Variants in SH2D7 observed in about 807,000 individuals in gnomAD.
The protein encoded by SH2D7 is SH2 domain containing 7, also known as SH2 domain-containing protein 7.
SH2D7 carries 32 observed loss-of-function variants against 40.8 expected under a neutral mutation model. That is an observed-to-expected ratio of 0.78 (90% CI 0.59 to 1.05). SH2D7 has a LOEUF of 1.05. SH2D7 is among the 50% of genes least tolerant of loss of function. The probability of loss-of-function intolerance (pLI) is 0.00; values close to 1 mark genes in which losing one functional copy is unlikely to be tolerated. For synonymous variants in SH2D7, 195 were observed against 221.5 expected (o/e 0.88, Z 1.06); for missense variants, 559 against 566.6 (o/e 0.99, Z 0.14).
chr15:78,093,107 A>G (rs2073949795), intron 1 of SH2D7, among the ~76,000 whole-genome samples: 1 of 152,226 alleles, frequency 6.6e-6, no homozygotes, highest in Non-Finnish European at 1.5e-5. Flanking sequence ...TAACTAAGCT[A>G]GGAGAACCGT....
chr15:78,094,199 C>T lies in SH2D7; in HGVS notation c.264C>T (p.Tyr88=), dbSNP rs781560546. The change falls in exon 2 of 6, where the codon TAC becomes TAT. Residue 88 remains tyrosine, a splice_region_variant and synonymous_variant. Coordinates refer to ENST00000328828, the MANE Select transcript of SH2D7 (RefSeq NM_001101404.2). ...GAGCCACTGGCTACATCTTGTCCTACAGGTAAGAGGGGAAGCCCTCTGGGC... is the reference window on the plus strand; with the variant it reads ...GAGCCACTGGCTACATCTTGTCCTATAGGTAAGAGGGGAAGCCCTCTGGGC... ...SDRATGYILS[Y]RGSDRCRHFV... 8 of 1,607,246 alleles carry T rather than the reference C, an allele frequency of 5.0e-6. No homozygotes were observed. The highest frequency in any genetic ancestry group is 2.2e-5 in the East Asian group (1 of 44,714).
chr15:78,098,902 A>G (rs1021116939), intron 4 of SH2D7, among the ~76,000 whole-genome samples: 2 of 152,352 alleles, frequency 1.3e-5, no homozygotes, highest in African/African-American at 4.8e-5. Context: ...AGCTTGAATG[A>G]GAAAATGGAT....
chr15:78,093,727 G>A (rs2073953003), intron 1 of SH2D7, among the ~76,000 whole-genome samples: 1 of 152,222 alleles, frequency 6.6e-6, no homozygotes, highest in Non-Finnish European at 1.5e-5. Context: ...CTGAGGGAGG[G>A]ACTCCCCACT....
At chr15:78,100,346 G>A (rs997101253) in intron 4 of SH2D7, among the ~76,000 whole-genome samples, 10 of 152,170 alleles carry the variant, frequency 6.6e-5, no homozygotes, top group African/African-American at 1.2e-4. Context: ...GGAGGAGCAC[G>A]GGAAGGGAAA....
rs2074033649 is a variant in SH2D7 at position 78,104,027 on chromosome 15, C to T, written c.*512C>T. ...GGGCCAGAAGCCACATCCTCTGCTT[C>T]AGGCCTCTTCGCTCCAGCTGTACCC... On this transcript the variant is annotated 3_prime_UTR_variant, in exon 6 of 6. Transcript: ENST00000328828. This position sits in a 1 kb window ranked among gnomAD's most constrained non-coding sequence, Gnocchi z 4.4. 2 of 153,150 alleles carry T rather than the reference C, an allele frequency of 1.3e-5. No homozygotes were observed. Among genetic ancestry groups the T allele is most frequent in the South Asian group, 2.0e-4 (1 of 4,948 alleles). 9.5% of individuals were successfully genotyped at this position (153,150 alleles called of 1,614,324 possible).
chr15:78,101,330 C>T lies in SH2D7; in HGVS notation c.1077C>T (p.Leu359=), dbSNP rs376306879. 15 of 1,613,114 alleles carry T rather than the reference C, an allele frequency of 9.3e-6. No individual in the cohort carries two copies. Among genetic ancestry groups the T allele is most frequent in the Non-Finnish European group, 1.3e-5 (15 of 1,179,658 alleles). The part of the protein sequence containing the change: ...DIYEFIGTEG[L]LQEARDTPDQ... ...ATGAGTTCATCGGGACAGAAGGCCT[C>T]CTGCAAGAGGCCAGGGACACACCAG... The change falls in exon 5 of 6, where the codon CTC becomes CTT. Residue 359 remains leucine, a synonymous_variant. Transcript: ENST00000328828.
rs776790545 is a variant in SH2D7, at chr15:78,094,134, G to C, written c.199G>C (p.Asp67His). The C allele has an allele frequency of 6.2e-7, 1 of 1,609,136 alleles. No individual in the cohort carries two copies. Among genetic ancestry groups the C allele is most frequent in the African/African-American group, 1.3e-5 (1 of 74,880 alleles). ...CAGGCAGACGGAGCAGCTACTCAGG[G>C]ACAAAGCTCTTGGTTCCTTCCTTAT... ...TRKQTEQLLRDKALGSFLIRL... is the reference protein window; with the variant it reads ...TRKQTEQLLRHKALGSFLIRL... The change falls in exon 2 of 6, where the codon GAC becomes CAC. Residue 67 changes from aspartate (D) to histidine (H), a missense_variant. Transcript: ENST00000328828.
chr15:78,090,225 G>C (rs868309854), upstream of SH2D7, among the ~76,000 whole-genome samples: 1 of 152,074 alleles, frequency 6.6e-6, no homozygotes, highest in Non-Finnish European at 1.5e-5. Flanking sequence ...TGGCTAACAC[G>C]GTAAAACCCC....
chr15:78,098,194 T>C (rs2141872245), intron 3 of SH2D7, 100 bp downstream of exon 3: 1 of 1,453,730 alleles, frequency 6.9e-7, no homozygotes, highest in Non-Finnish European at 9.2e-7. Context: ...CCTCCCTATT[T>C]ACTATCACCC....
chr15:78,103,464 G>C lies in SH2D7; in HGVS notation c.1306-1G>C, dbSNP rs375968113. 14 of 1,558,686 alleles carry C rather than the reference G, an allele frequency of 9.0e-6. No homozygotes were observed. The highest frequency in any genetic ancestry group is 1.2e-5 in the Non-Finnish European group (14 of 1,150,628). On this transcript the variant is annotated splice_acceptor_variant, in intron 5 of 5. Coordinates refer to ENST00000328828, the MANE Select transcript of SH2D7 (RefSeq NM_001101404.2). LOFTEE classifies it high-confidence loss of function. ...CCCCAGTATCTCCTCCTTCCTTGCA[G>C]CCTGACAAGCTTCGGAGGCTCTTCT...
In SH2D7 at chr15:78,101,074, A is replaced by G. The variant is rs2074011342; in HGVS notation, c.821A>G (p.Tyr274Cys). The G allele has an allele frequency of 3.8e-6, 6 of 1,599,178 alleles. No homozygotes were observed. Among genetic ancestry groups the G allele is most frequent in the Non-Finnish European group, 4.3e-6 (5 of 1,173,604 alleles). ...HGPVPAGSQA[Y>C]SPGREAQRRL... ...CCAGTTCCAGCTGGCAGCCAGGCCT[A>G]CTCCCCAGGCAGGGAGGCCCAAAGG... Residue 274 changes from tyrosine (Y) to cysteine (C), a missense_variant, in exon 5 of 6, where the codon TAC becomes TGC. Tyr to Cys is a radical substitution (Grantham distance 194). Transcript: ENST00000328828.
intron 4 of SH2D7, 73 bp downstream of exon 4, chr15:78,098,669 A>T: frequency 6.7e-7 from 1 of 1,501,788 alleles, no homozygotes; most frequent in Non-Finnish European, 9.0e-7. Flanking sequence ...TCCCAGTCAG[A>T]CCCTGAGGCC....
rs2074013980 is a variant in SH2D7 at position 78,101,277 on chromosome 15, T to G, written c.1024T>G (p.Cys342Gly). Residue 342 changes from cysteine to glycine, a missense_variant, in exon 5 of 6, where the codon TGC becomes GGC. Physicochemically the swap from Cys to Gly is radical, Grantham distance 159. Coordinates refer to ENST00000328828, the MANE Select transcript of SH2D7 (RefSeq NM_001101404.2). ...AAAGCTGAGCCAAGAGGCTCAGCCC[T>G]GCTCCCAGGGCAGCTCTGCAGATAT... is the stretch of plus-strand genomic sequence containing the variant. ...FPKLSQEAQP[C>G]SQGSSADIYE... The G allele has an allele frequency of 1.9e-6, 3 of 1,612,312 alleles. No individual in the cohort carries two copies. In the East Asian group the frequency reaches 6.7e-5, roughly 36 times the overall value.
In SH2D7 at chr15:78,103,641, G is replaced by A; in HGVS notation, c.*126G>A. On this transcript the variant is annotated 3_prime_UTR_variant, in exon 6 of 6. Transcript: ENST00000328828. ...CTTGAGACTCATCCAGCCTGCTACAGAACTAGGCTCCGAGACAGCCGAGGT... is the reference window on the plus strand; with the variant it reads ...CTTGAGACTCATCCAGCCTGCTACAAAACTAGGCTCCGAGACAGCCGAGGT... 2 of 1,216,198 alleles carry A rather than the reference G, an allele frequency of 1.6e-6. No homozygotes were observed. The highest frequency in any genetic ancestry group is 2.9e-5 in the South Asian group (2 of 70,030). The allele number at this position is 1,216,198 out of a possible 1,614,324, so 75.3% of individuals were successfully genotyped here.
rs576487806 is a variant in SH2D7, at chr15:78,097,180, T to C, written c.267-749T>C. 4.9e-4 allele frequency among the ~76,000 whole-genome samples: 74 copies of C among 152,360 alleles called. 1 individual carries two copies. Among genetic ancestry groups the C allele is most frequent in the African/African-American group, 1.8e-3 (74 of 41,586 alleles). On this transcript the variant is annotated intron_variant, in intron 2 of 5. Transcript: ENST00000328828. ...AATGGGCAAGACTAATCTATGCTGA[T>C]AGGCGTCGGAATGGTGGCTACCTTT...
chr15:78,100,864 G>A (rs766983975), intron 4 of SH2D7, 35 bp from the exon 5 acceptor site: 3 of 1,598,386 alleles, frequency 1.9e-6, no homozygotes, highest in Non-Finnish European at 2.6e-6. Context: ...GTGATGGGCT[G>A]CCCCTTAAGA....
rs1319033364 is a variant in SH2D7 at position 78,095,963 on chromosome 15, C to T, written c.266+1762C>T. ...GTTCAAGCAATTCTCCTGTCTCAGC[C>T]TCCCAACTAGCTGGGACTACAGGCA... On this transcript the variant is annotated intron_variant, in intron 2 of 5. Transcript: ENST00000328828. Among the ~76,000 whole-genome samples, 4 of 152,264 alleles carry T rather than the reference C, an allele frequency of 2.6e-5. No homozygotes were observed. In the East Asian group the frequency reaches 5.8e-4, roughly 22 times the overall value.
chr15:78,092,963 CG>C (rs141740353), intron 1 of SH2D7, among the ~76,000 whole-genome samples: 5,839 of 152,222 alleles, frequency 0.038, 362 homozygotes, highest in African/African-American at 0.13. Context: ...GGGAGGGCAA[CG>C]GCCTCTACTT....
intron 2 of SH2D7, among the ~76,000 whole-genome samples, chr15:78,095,349 G>T (rs571146511): frequency 3.3e-5 from 5 of 152,208 alleles, no homozygotes; most frequent in East Asian, 1.9e-4. Context: ...TGAGCTTTGG[G>T]GATTTTTTTA....
Sources: allele counts gnomAD v4.1 joint callset (sites outside exome capture counted in the v4.1 genomes callset), GRCh38; gene constraint gnomAD v4.1.1; non-coding constraint Gnocchi (gnomAD v3.1); transcripts MANE v1.5; gene names NCBI Gene and HGNC (gene_info 2026-07-23, HGNC 2026-07-21).